KLHL31: variants seen among roughly 807,000 people sequenced by gnomAD.
The protein encoded by KLHL31 is kelch like family member 31, also known as kelch-like protein 31.
A neutral mutation model predicts 47.1 loss-of-function variants in KLHL31; 32 were observed. The ratio of observed to expected loss-of-function variants is 0.68; its 90% CI spans 0.51 to 0.91. KLHL31 has a LOEUF of 0.91. KLHL31 is among the 40% of genes least tolerant of loss of function. The pLI, the probability that KLHL31 is intolerant of heterozygous loss-of-function variation, is 0.00. For missense variants in KLHL31, 797 were observed against 819.3 expected (o/e 0.97, Z 0.33); for synonymous variants, 330 against 325.1 (o/e 1.01, Z -0.16).
intron 1 of KLHL31, among the ~76,000 whole-genome samples, chr6:53,656,791 A>G (rs1764567146): frequency 6.6e-6 from 1 of 152,096 alleles, no homozygotes; most frequent in South Asian, 2.1e-4. Flanking sequence ...TAGGTTAGGG[A>G]AGGCCCTTCT....
At chr6:53,658,182 G>T (rs1764597824) in intron 1 of KLHL31, among the ~76,000 whole-genome samples, 1 of 152,134 alleles carries the variant, frequency 6.6e-6, no homozygotes, top group Non-Finnish European at 1.5e-5. Flanking sequence ...CACAAGACAT[G>T]GCAAATGCAA....
chr6:53,657,335 T>A (rs2501883), intron 1 of KLHL31, among the ~76,000 whole-genome samples: 150,697 of 152,274 alleles, frequency 0.99, 74,595 homozygotes, highest in Middle Eastern at 1. Flanking sequence ...TGAAAATTCA[T>A]CAATCAGCTC....
chr6:53,653,042 T>TA (rs11369878), intron 2 of KLHL31, among the ~76,000 whole-genome samples: 136,880 of 151,980 alleles, frequency 0.9, 61,733 homozygotes, highest in East Asian at 1. Context: ...TAAATATATA[T>TA]TTTTTTCAGT....
chr6:53,653,790 T>G (rs1249390901), intron 2 of KLHL31, among the ~76,000 whole-genome samples: 1 of 152,204 alleles, frequency 6.6e-6, no homozygotes, highest in Non-Finnish European at 1.5e-5. Context: ...CAACTAGAAG[T>G]GAGTAAATGT....
At chr6:53,652,375 G>A (rs779240119) in intron 2 of KLHL31, 45 bp from the exon 3 acceptor site, 1 of 1,606,500 alleles carries the variant, frequency 6.2e-7, no homozygotes, top group African/African-American at 1.3e-5. Context: ...GGCGGCAGCT[G>A]GGGACCCCAT....
At position 53,651,976 on chromosome 6, in the gene KLHL31, G is replaced by T. The variant is rs745724320; in HGVS notation, c.1527C>A (p.Val509=). The T allele has an allele frequency of 1.0e-5, 16 of 1,592,876 alleles. No individual in the cohort carries two copies. The East Asian group carries it at 3.1e-4, about 31-fold the overall frequency. Residue 509 remains valine, a synonymous_variant, in exon 3 of 3, where the codon GTC becomes GTA. Coordinates refer to ENST00000370905, the MANE Select transcript of KLHL31 (RefSeq NM_001003760.5). Reference sequence around the variant, plus strand: ...TCACGTACACTCTGTCGCTCAGCGTGACCGCGCAGTGCCAGCCCCGGGGTG... The same window carrying T: ...TCACGTACACTCTGTCGCTCAGCGTTACCGCGCAGTGCCAGCCCCGGGGTG... ...LSTPRGWHCA[V]TLSDRVYVMG...
intron 1 of KLHL31, among the ~76,000 whole-genome samples, chr6:53,657,258 G>A (rs550820636): frequency 6.6e-6 from 1 of 152,132 alleles, no homozygotes; most frequent in South Asian, 2.1e-4. Context: ...GATTTCTTTG[G>A]TGCAAATACT....
chr6:53,653,562 A>G (rs2127368127), intron 2 of KLHL31, among the ~76,000 whole-genome samples: 1 of 152,364 alleles, frequency 6.6e-6, no homozygotes, highest in South Asian at 2.1e-4. Context: ...AAATACTGAC[A>G]CATTTTCTGT....
rs1764471277 is a variant in KLHL31, at chr6:53,651,776, C to T, written c.1727G>A (p.Gly576Asp). 3.1e-6 allele frequency: 5 copies of T among 1,613,902 alleles called. No individual in the cohort carries two copies. The highest frequency in any genetic ancestry group is 4.2e-6 in the Non-Finnish European group (5 of 1,180,038). Residue 576 changes from glycine (G) to aspartate (D), a missense_variant, in exon 3 of 3, where the codon GGC becomes GAC. Gly to Asp is a moderately conservative substitution (Grantham distance 94, BLOSUM62 -1). Coordinates refer to ENST00000370905, the MANE Select transcript of KLHL31 (RefSeq NM_001003760.5). Reference sequence around the variant, plus strand: ...GATGCACTTCTTGTACTTCTTCTCGCCCTCGTTCCAGCCCCCCACCAGGTA... The same window carrying T: ...GATGCACTTCTTGTACTTCTTCTCGTCCTCGTTCCAGCCCCCCACCAGGTA... ...RAYLVGGWNEGEKKYKKCIQC... is the reference protein window; with the variant it reads ...RAYLVGGWNEDEKKYKKCIQC...
intron 1 of KLHL31, among the ~76,000 whole-genome samples, chr6:53,661,142 C>T (rs1426220419): frequency 6.6e-6 from 1 of 152,168 alleles, no homozygotes; most frequent in Non-Finnish European, 1.5e-5. Flanking sequence ...AAATGCTCTG[C>T]CTGTGGCACT....
chr6:53,652,421 T>A, intron 2 of KLHL31, 91 bp from the exon 3 acceptor site: 1 of 1,525,288 alleles, frequency 6.6e-7, no homozygotes, highest in Middle Eastern at 1.7e-4. Context: ...AGCCTGACAC[T>A]ACCCCTGCAA....
chr6:53,655,521 T>C (rs925919274), intron 1 of KLHL31, among the ~76,000 whole-genome samples: 1 of 152,192 alleles, frequency 6.6e-6, no homozygotes, highest in African/African-American at 2.4e-5. Context: ...AGATTTATGT[T>C]ATCAAATGAA....
rs769015160 is a variant in KLHL31, at chr6:53,654,639, T to C, written c.634A>G (p.Thr212Ala). The change falls in exon 2 of 3, where the codon ACA becomes GCA. Residue 212 changes from threonine to alanine, a missense_variant. Thr to Ala is a moderately conservative substitution (Grantham distance 58). Coordinates refer to ENST00000370905, the MANE Select transcript of KLHL31 (RefSeq NM_001003760.5). ...FAESDQFMKLTFEQINELLID... is the reference protein window; with the variant it reads ...FAESDQFMKLAFEQINELLID... ...AGAAGTTCATTAATTTGTTCAAATG[T>C]AAGTTTCATAAACTGATCCGATTCT... The C allele has an allele frequency of 3.0e-5, 48 of 1,614,068 alleles. No homozygotes were observed. Among genetic ancestry groups the C allele is most frequent in the Admixed American group, 2.7e-4 (16 of 60,010 alleles).
chr6:53,654,108 A>T lies in KLHL31; in HGVS notation c.1165T>A (p.Phe389Ile). The change falls in exon 2 of 3, where the codon TTC (phenylalanine) becomes ATC (isoleucine). Residue 389 changes from phenylalanine (F) to isoleucine (I), a missense_variant. Coordinates refer to ENST00000370905, the MANE Select transcript of KLHL31 (RefSeq NM_001003760.5). ...RNQAKHAVSNFCRYDPRFNTW... is the reference protein window; with the variant it reads ...RNQAKHAVSNICRYDPRFNTW... ...TAATAAAAGATCAAGTACCTGCAGA[A>T]ATTGCTGACTGCATGCTTGGCTTGA... 6.3e-7 allele frequency: 1 copy of T among 1,598,440 alleles called. No individual in the cohort carries two copies. Among genetic ancestry groups the T allele is most frequent in the South Asian group, 1.1e-5 (1 of 88,026 alleles).
chr6:53,655,526 A>G lies in KLHL31; in HGVS notation c.-33-221T>C, dbSNP rs114303450. On this transcript the variant is annotated intron_variant, in intron 1 of 2. Coordinates refer to ENST00000370905, the MANE Select transcript of KLHL31 (RefSeq NM_001003760.5). Reference sequence around the variant, plus strand: ...AATTCTAGGAAGATTTATGTTATCAAATGAAATCTCTCCATAACTGTATTG... The same window carrying G: ...AATTCTAGGAAGATTTATGTTATCAGATGAAATCTCTCCATAACTGTATTG... Among the ~76,000 whole-genome samples, 1,160 of 152,306 alleles carry G rather than the reference A, an allele frequency of 7.6e-3. 9 individuals are homozygous for G. The highest frequency in any genetic ancestry group is 0.026 in the African/African-American group (1,092 of 41,580).
intron 2 of KLHL31, among the ~76,000 whole-genome samples, chr6:53,653,016 C>G (rs116780707): frequency 0.021 from 2,786 of 134,914 alleles, 86 homozygotes; most frequent in African/African-American, 0.073. Flanking sequence ...GTAGAGAAGA[C>G]TTTTTAGTTT....
At chr6:53,662,503 G>A (rs552859866) in intron 1 of KLHL31, among the ~76,000 whole-genome samples, 1 of 152,304 alleles carries the variant, frequency 6.6e-6, no homozygotes, top group Non-Finnish European at 1.5e-5. Flanking sequence ...TTGTAGAAGG[G>A]TCCCTATGCT....
chr6:53,664,638 G>A (rs930435661), intron 1 of KLHL31, among the ~76,000 whole-genome samples: 4 of 152,208 alleles, frequency 2.6e-5, no homozygotes, highest in African/African-American at 7.2e-5. Flanking sequence ...CTTCATATTT[G>A]AGAACATTTT....
chr6:53,656,207 A>G (rs1393728158), intron 1 of KLHL31, among the ~76,000 whole-genome samples: 3 of 152,218 alleles, frequency 2.0e-5, no homozygotes, highest in Non-Finnish European at 2.9e-5. Context: ...ACATTCCTGT[A>G]TGAAGAGATG....
Sources: allele counts gnomAD v4.1 joint callset (sites outside exome capture counted in the v4.1 genomes callset), GRCh38; gene constraint gnomAD v4.1.1; transcripts MANE v1.5; gene names NCBI Gene and HGNC (gene_info 2026-07-23, HGNC 2026-07-21).